The following ELK3 variants were observed in gnomAD, a reference collection of about 807,000 sequenced individuals.
The protein encoded by ELK3 is ETS domain-containing protein Elk-3.
A neutral mutation model predicts 28.9 loss-of-function variants in ELK3; 10 were observed. That is an observed-to-expected ratio of 0.35 (90% confidence interval 0.21 to 0.59). The LOEUF is 0.59. Among genes scored for constraint, ELK3 ranks in the 20% least tolerant of loss-of-function variants. The probability of loss-of-function intolerance (pLI) is 0.82; values close to 1 mark genes in which losing one functional copy is unlikely to be tolerated. For synonymous variants in ELK3, 272 were observed against 243.5 expected, an observed-to-expected ratio of 1.12 and a Z score of -1.09; for missense variants, 463 against 517.3, an observed-to-expected ratio of 0.90 and a Z score of 1.02.
At chr12:96,210,414 C>T (rs963941192) in intron 1 of ELK3, among the ~76,000 whole-genome samples, 3 of 152,140 alleles carry the variant, frequency 2.0e-5, no homozygotes, top group Admixed American at 6.5e-5. Context: ...CCTGGGATTC[C>T]AGCCTGTCCC....
chr12:96,204,237 G>T (rs778059498), intron 1 of ELK3, among the ~76,000 whole-genome samples: 2 of 152,032 alleles, frequency 1.3e-5, no homozygotes, highest in Non-Finnish European at 2.9e-5. Flanking sequence ...GACTTCAGTT[G>T]ATCAGGTTTT....
At chr12:96,201,223 A>G (rs970164165) in intron 1 of ELK3, among the ~76,000 whole-genome samples, 1 of 152,226 alleles carries the variant, frequency 6.6e-6, no homozygotes, top group African/African-American at 2.4e-5. Flanking sequence ...AACCAAAAGT[A>G]ATATGTGTGC....
At chr12:96,254,835 G>A (rs948861422) in intron 3 of ELK3, among the ~76,000 whole-genome samples, 1 of 152,120 alleles carries the variant, frequency 6.6e-6, no homozygotes, top group Admixed American at 6.5e-5. Flanking sequence ...CACTGGTACA[G>A]GGTGTTGAAG....
chr12:96,236,676 G>A (rs1473595655), intron 2 of ELK3, among the ~76,000 whole-genome samples: 11 of 152,194 alleles, frequency 7.2e-5, no homozygotes, highest in Admixed American at 7.2e-4. Context: ...CCATCGCAGT[G>A]GGAAGGGCTA....
intron 1 of ELK3, among the ~76,000 whole-genome samples, chr12:96,211,929 C>A (rs1245880657): frequency 3.9e-5 from 6 of 152,132 alleles, no homozygotes; most frequent in Non-Finnish European, 8.8e-5. Context: ...TTTTTCTGAT[C>A]CAAATGACTA....
chr12:96,250,197 G>A (rs940081746), intron 3 of ELK3, among the ~76,000 whole-genome samples: 3 of 152,148 alleles, frequency 2.0e-5, no homozygotes, highest in African/African-American at 7.2e-5. Flanking sequence ...GTAGAGCCTC[G>A]GGACTCAGAC....
At chr12:96,263,193 G>A (rs781532806) in intron 4 of ELK3, among the ~76,000 whole-genome samples, 4 of 152,080 alleles carry the variant, frequency 2.6e-5, no homozygotes, top group Admixed American at 6.6e-5. Context: ...GCAGGTTATA[G>A]CAGATATGAA....
At chr12:96,265,966 A>ATGTT (rs963979130) in intron 4 of ELK3, among the ~76,000 whole-genome samples, 3 of 152,212 alleles carry the variant, frequency 2.0e-5, no homozygotes, top group African/African-American at 7.2e-5. Context: ...AAGTTGTAAA[A>ATGTT]TGTTGGTACA....
At chr12:96,216,988 C>T (rs1951623870) in intron 1 of ELK3, among the ~76,000 whole-genome samples, 1 of 152,254 alleles carries the variant, frequency 6.6e-6, no homozygotes, top group Admixed American at 6.5e-5. Flanking sequence ...GATGCGATGG[C>T]TCATGCCTGT....
At chr12:96,200,170 A>G (rs1200339698) in intron 1 of ELK3, among the ~76,000 whole-genome samples, 4 of 152,110 alleles carry the variant, frequency 2.6e-5, no homozygotes, top group African/African-American at 9.7e-5. Context: ...CATCATCTCA[A>G]ATGTTTATGA....
intron 2 of ELK3, among the ~76,000 whole-genome samples, chr12:96,234,276 CTG>C (rs1365504561): frequency 2.6e-5 from 4 of 152,228 alleles, no homozygotes; most frequent in Non-Finnish European, 4.4e-5. Flanking sequence ...GCCGTCAACA[CTG>C]TGTTGATGAG....
At position 96,223,602 on chromosome 12, in the gene ELK3, G is replaced by A. The variant is rs765088386; in HGVS notation, c.36G>A (p.Leu12=). ...CAATCACGCTGTGGCAGTTCCTGTT[G>A]CAGTTGCTGCTGGATCAGAAACATG... ...ESAITLWQFL[L]QLLLDQKHEH... is the part of the protein sequence containing the mutation. The change falls in exon 2 of 5, where the codon TTG becomes TTA. Residue 12 remains leucine (L), a synonymous_variant. Coordinates refer to ENST00000228741, the MANE Select transcript of ELK3 (RefSeq NM_005230.4). 17 of 1,614,044 alleles carry A rather than the reference G, an allele frequency of 1.1e-5. No homozygotes were observed. Among genetic ancestry groups the A allele is most frequent in the Admixed American group, 1.0e-4 (6 of 60,000 alleles).
intron 2 of ELK3, among the ~76,000 whole-genome samples, chr12:96,228,683 C>G (rs953510287): frequency 6.6e-6 from 1 of 152,170 alleles, no homozygotes; most frequent in African/African-American, 2.4e-5. Context: ...TCTCCCTCAC[C>G]GCTCTGAATC....
chr12:96,234,134 AG>A (rs935709795), intron 2 of ELK3, among the ~76,000 whole-genome samples: 6 of 152,162 alleles, frequency 3.9e-5, no homozygotes, highest in Admixed American at 2.6e-4. Flanking sequence ...TGCTGGGAGC[AG>A]GGGGCTGCGT....
At chr12:96,197,315 G>A (rs981756919) in intron 1 of ELK3, among the ~76,000 whole-genome samples, 2 of 152,158 alleles carry the variant, frequency 1.3e-5, no homozygotes, top group Non-Finnish European at 2.9e-5. Flanking sequence ...TTGGCTTCTG[G>A]AGGGTAGACG....
At chr12:96,262,394 G>A (rs535998360) in intron 4 of ELK3, among the ~76,000 whole-genome samples, 54 of 152,298 alleles carry the variant, frequency 3.5e-4, no homozygotes, top group Non-Finnish European at 6.8e-4. Flanking sequence ...CAGACCAGAG[G>A]TTCCTAGTTT....
intron 2 of ELK3, among the ~76,000 whole-genome samples, chr12:96,245,802 A>G (rs1951851272): frequency 6.6e-6 from 1 of 152,190 alleles, no homozygotes. Flanking sequence ...ATAAACCTCA[A>G]GAACAGCATA....
Position 96,267,323 on chromosome 12 carries a change from T to C in ELK3, c.*143T>C. 1.6e-6 allele frequency: 1 copy of C among 612,700 alleles called. No homozygotes were observed. The allele number at this position is 612,700 out of a possible 1,614,324, so 38.0% of individuals were successfully genotyped here. On this transcript the variant is annotated 3_prime_UTR_variant, in exon 5 of 5. Coordinates refer to ENST00000228741, the MANE Select transcript of ELK3 (RefSeq NM_005230.4). Reference sequence around the variant, plus strand: ...TTTCATAACATGGATAGTCTAGATTTATGTTAGCATTTTAAAAACTGTTTT... The same window carrying C: ...TTTCATAACATGGATAGTCTAGATTCATGTTAGCATTTTAAAAACTGTTTT...
At chr12:96,236,468 C>G (rs1951784556) in intron 2 of ELK3, among the ~76,000 whole-genome samples, 1 of 152,316 alleles carries the variant, frequency 6.6e-6, no homozygotes, top group East Asian at 1.9e-4. Flanking sequence ...AACCTCAACC[C>G]AAACCACAAG....
Sources: allele counts gnomAD v4.1 joint callset (sites outside exome capture counted in the v4.1 genomes callset), GRCh38; gene constraint gnomAD v4.1.1; transcripts MANE v1.5; gene names NCBI Gene and HGNC (gene_info 2026-07-23, HGNC 2026-07-21).